The following L3MBTL4 variants were observed in gnomAD, a reference collection of about 807,000 sequenced individuals.
The protein encoded by L3MBTL4 is L3MBTL histone methyl-lysine binding protein 4, also known as lethal(3)malignant brain tumor-like protein 4.
A neutral mutation model predicts 84.5 loss-of-function variants in L3MBTL4; 70 were observed. The observed-to-expected ratio is 0.83, with a 90% CI of 0.68 to 1.01. L3MBTL4 has a LOEUF of 1.01. Among genes scored for constraint, L3MBTL4 ranks in the 50% least tolerant of loss-of-function variants. L3MBTL4 has a pLI of 0.00. For missense variants in L3MBTL4, 715 were observed against 754.8 expected, an observed-to-expected ratio of 0.95 and a Z score of 0.62; for synonymous variants, 274 against 259.8, an observed-to-expected ratio of 1.05 and a Z score of -0.52.
At chr18:6,219,176 A>T (rs1010371303) in intron 10 of L3MBTL4, among the ~76,000 whole-genome samples, 1 of 151,978 alleles carries the variant, frequency 6.6e-6, no homozygotes, top group Non-Finnish European at 1.5e-5. Context: ...AAGTGGAAGA[A>T]ATGGTATCTG....
intron 16 of L3MBTL4, among the ~76,000 whole-genome samples, chr18:6,047,743 A>C (rs1711517533): frequency 6.6e-6 from 1 of 152,204 alleles, no homozygotes; most frequent in Admixed American, 6.5e-5. Flanking sequence ...TCATCAAAGG[A>C]AAATACCTCA....
intron 5 of L3MBTL4, among the ~76,000 whole-genome samples, chr18:6,250,589 T>C (rs2047881833): frequency 6.6e-6 from 1 of 152,070 alleles, no homozygotes; most frequent in African/African-American, 2.4e-5. Flanking sequence ...AAGGCACGGG[T>C]AGGCAGTCAA....
At chr18:6,280,329 C>T (rs2049270470) in intron 4 of L3MBTL4, among the ~76,000 whole-genome samples, 1 of 152,198 alleles carries the variant, frequency 6.6e-6, no homozygotes, top group Admixed American at 6.5e-5. Context: ...TTCACAGGGG[C>T]ATTTTCCCCA....
chr18:6,267,839 C>G (rs964401854), intron 4 of L3MBTL4, among the ~76,000 whole-genome samples: 2 of 152,140 alleles, frequency 1.3e-5, no homozygotes, highest in Non-Finnish European at 2.9e-5. Context: ...GAGGATTACT[C>G]AGTAACATCA....
intron 16 of L3MBTL4, among the ~76,000 whole-genome samples, chr18:6,018,584 T>G (rs991743077): frequency 6.6e-6 from 1 of 152,222 alleles, no homozygotes; most frequent in African/African-American, 2.4e-5. Flanking sequence ...GTGGGCATAC[T>G]GTGTGATTCC....
intron 17 of L3MBTL4, among the ~76,000 whole-genome samples, chr18:5,962,453 C>A (rs983375917): frequency 6.6e-6 from 1 of 152,020 alleles, no homozygotes; most frequent in Non-Finnish European, 1.5e-5. Context: ...CAGGGAGTGG[C>A]GGGAAGAGGG....
At chr18:6,057,123 C>T (rs1373868714) in intron 16 of L3MBTL4, among the ~76,000 whole-genome samples, 1 of 151,946 alleles carries the variant, frequency 6.6e-6, no homozygotes, top group Non-Finnish European at 1.5e-5. Context: ...CTCTGCCTCC[C>T]AGGCTCAAGC....
chr18:6,006,598 C>A (rs1428637299), intron 16 of L3MBTL4, among the ~76,000 whole-genome samples: 1 of 152,160 alleles, frequency 6.6e-6, no homozygotes, highest in Admixed American at 6.5e-5. Flanking sequence ...ATGACTACCC[C>A]ATAACCCAAT....
intron 16 of L3MBTL4, among the ~76,000 whole-genome samples, chr18:5,981,516 C>A (rs779623609): frequency 6.6e-6 from 1 of 152,142 alleles, no homozygotes; most frequent in Non-Finnish European, 1.5e-5. Context: ...CAGGTCCTGT[C>A]GGAAACTAAG....
At chr18:6,373,656 C>T (rs978268222) in intron 1 of L3MBTL4, among the ~76,000 whole-genome samples, 5 of 152,016 alleles carry the variant, frequency 3.3e-5, no homozygotes, top group South Asian at 2.1e-4. Flanking sequence ...GATTATGCAC[C>T]GTACAAAATA....
intron 5 of L3MBTL4, among the ~76,000 whole-genome samples, chr18:6,252,998 T>A (rs1257518537): frequency 6.6e-6 from 1 of 152,056 alleles, no homozygotes; most frequent in Non-Finnish European, 1.5e-5. Flanking sequence ...GGTCAAGAGA[T>A]CAAGACCATC....
At chr18:6,369,947 A>C (rs2054088133) in intron 1 of L3MBTL4, among the ~76,000 whole-genome samples, 1 of 152,142 alleles carries the variant, frequency 6.6e-6, no homozygotes, top group Non-Finnish European at 1.5e-5. Context: ...CAGCCTGGCC[A>C]ACATGGTGAA....
chr18:6,276,753 A>G (rs542532991), intron 4 of L3MBTL4, among the ~76,000 whole-genome samples: 4 of 152,236 alleles, frequency 2.6e-5, no homozygotes, highest in East Asian at 3.9e-4. Context: ...GGCATGTCAG[A>G]CAACAGTAAG....
chr18:6,049,092 C>T (rs1355042113), intron 16 of L3MBTL4, among the ~76,000 whole-genome samples: 1 of 152,018 alleles, frequency 6.6e-6, no homozygotes, highest in African/African-American at 2.4e-5. Context: ...TTGAGACTTG[C>T]CTGGGCAACA....
In L3MBTL4 at chr18:6,241,398, A is replaced by T; in HGVS notation, c.512T>A (p.Leu171Ter). 1 of 1,606,052 alleles carries T rather than the reference A, an allele frequency of 6.2e-7. No individual in the cohort carries two copies. The highest frequency in any genetic ancestry group is 2.2e-5 in the East Asian group (1 of 44,748). The change falls in exon 8 of 19, where the codon TTG becomes TAG. Residue 171 changes from leucine to a stop codon, truncating the protein, a stop_gained. Transcript: ENST00000317931. LOFTEE classifies it high-confidence loss of function. ...GAATAATTTCTTTGGAGCATTTTGCAATTTGCAGGCCTTCAAGTAATCCAT... is the reference window on the plus strand; with the variant it reads ...GAATAATTTCTTTGGAGCATTTTGCTATTTGCAGGCCTTCAAGTAATCCAT... Reference protein sequence around the residue: ...VWMDYLKACKLQNAPKKLFRN... With the variant: ...VWMDYLKACK
At chr18:6,267,886 T>C (rs1436104785) in intron 4 of L3MBTL4, among the ~76,000 whole-genome samples, 37 of 152,220 alleles carry the variant, frequency 2.4e-4, no homozygotes. Flanking sequence ...CAAGTTTGCT[T>C]GCACCTCAGA....
chr18:5,995,737 A>G (rs1447367480), intron 16 of L3MBTL4, among the ~76,000 whole-genome samples: 1 of 152,206 alleles, frequency 6.6e-6, no homozygotes, highest in Non-Finnish European at 1.5e-5. Context: ...AAGGGGCAGG[A>G]AAATGTTACC....
chr18:6,160,672 A>G (rs1441257651), intron 13 of L3MBTL4, among the ~76,000 whole-genome samples: 1 of 150,130 alleles, frequency 6.7e-6, no homozygotes. Flanking sequence ...CGGAGGTTGC[A>G]GTGAGCTGAA....
chr18:5,987,986 G>A (rs879775942), intron 16 of L3MBTL4, among the ~76,000 whole-genome samples: 1 of 152,014 alleles, frequency 6.6e-6, no homozygotes, highest in Non-Finnish European at 1.5e-5. Context: ...ATATAATTAA[G>A]CATAAATACA....
Sources: allele counts gnomAD v4.1 joint callset (sites outside exome capture counted in the v4.1 genomes callset), GRCh38; gene constraint gnomAD v4.1.1; transcripts MANE v1.5; gene names NCBI Gene and HGNC (gene_info 2026-07-23, HGNC 2026-07-21).